PLCG2: variants seen among roughly 807,000 people sequenced by gnomAD.
The protein encoded by PLCG2 is phospholipase C gamma 2.
A neutral mutation model predicts 175.6 loss-of-function variants in PLCG2; 69 were observed. The observed-to-expected ratio is 0.39, with a 90% CI of 0.32 to 0.48. The LOEUF is 0.48. PLCG2 is among the 20% of genes least tolerant of loss of function. The pLI, the probability that PLCG2 is intolerant of heterozygous loss-of-function variation, is 0.91. For synonymous variants in PLCG2, 827 were observed against 624.0 expected (o/e 1.33, Z -4.85); for missense variants, 1,798 against 1,650.9 (o/e 1.09, Z -1.54).
chr16:81,825,414 A>C (rs947540523), intron 2 of PLCG2, among the ~76,000 whole-genome samples: 24 of 150,964 alleles, frequency 1.6e-4, no homozygotes, highest in African/African-American at 5.9e-4. Context: ...TCAGCTTCCC[A>C]AGTAGCTGGG....
Position 81,758,006 on chromosome 16 carries a change from C to T in PLCG2, c.-48+2040C>T, listed in dbSNP as rs140786828. 9.9e-4 allele frequency among the ~76,000 whole-genome samples: 150 copies of T among 152,276 alleles called. 2 individuals are homozygous for T. The highest frequency in any genetic ancestry group is 3.3e-3 in the African/African-American group (136 of 41,550). On this transcript the variant is annotated intron_variant, in intron 2 of 5. Transcript: ENST00000565054. ...TGTTTTGTTTTTTGAGGCACTGTCT[C>T]GATCTGTCACCCAGGCTGGAGCGCA... is the stretch of plus-strand genomic sequence containing the variant.
chr16:81,916,762 T>G (rs1231122308), intron 19 of PLCG2, among the ~76,000 whole-genome samples: 3 of 152,226 alleles, frequency 2.0e-5, no homozygotes, highest in African/African-American at 7.2e-5. Context: ...CTCAGGCTCC[T>G]GAGTAGCTGG....
rs142273383 is a variant in PLCG2, at chr16:81,748,021, C to G, written c.-144-7849C>G. On this transcript the variant is annotated intron_variant, in intron 1 of 5. Transcript: ENST00000565054. ...TCCCAAGTAGCTGGGATTACAGGCA[C>G]CTGCAAGCACACTCAGCTAATTTTT... Among the ~76,000 whole-genome samples, 70 of 152,194 alleles carry G rather than the reference C, an allele frequency of 4.6e-4. 1 individual carries two copies. Among genetic ancestry groups the G allele is most frequent in the Non-Finnish European group, 8.1e-4 (55 of 68,002 alleles).
chr16:81,823,607 C>G (rs1333352429), intron 2 of PLCG2, among the ~76,000 whole-genome samples: 19 of 152,080 alleles, frequency 1.2e-4, no homozygotes, highest in Admixed American at 1.2e-3. Flanking sequence ...CTCACTGTAG[C>G]CTCAAACTCC....
chr16:81,961,798 G>C lies in PLCG2; in HGVS notation c.*3800G>C, dbSNP rs1911785613. The stretch of plus-strand genomic sequence containing the variant: ...TTTATTTAAACATGTAGTGTCTACG[G>C]TATGCCAGCACTTTGCAGCTATTTA... On this transcript the variant is annotated 3_prime_UTR_variant, in exon 33 of 33. Coordinates refer to ENST00000564138, the MANE Select transcript of PLCG2 (RefSeq NM_002661.5). 1 of 203,734 alleles carries C rather than the reference G, an allele frequency of 4.9e-6. No homozygotes were observed. Among genetic ancestry groups the C allele is most frequent in the Non-Finnish European group, 1.0e-5 (1 of 99,440 alleles). 12.6% of individuals were successfully genotyped at this position (203,734 alleles called of 1,614,324 possible). A position where few individuals can be genotyped will look rare whatever the true frequency, so the allele number is the denominator to read the frequency against.
chr16:81,819,045 A>C, intron 2 of PLCG2, among the ~76,000 whole-genome samples: 1 of 152,024 alleles, frequency 6.6e-6, no homozygotes, highest in Non-Finnish European at 1.5e-5. Flanking sequence ...TTTGCAGAGG[A>C]AGCTGAGGCT....
At chr16:81,742,471 C>A (rs1354151010) in intron 1 of PLCG2, among the ~76,000 whole-genome samples, 2 of 152,104 alleles carry the variant, frequency 1.3e-5, no homozygotes, top group African/African-American at 4.8e-5. Flanking sequence ...CCCTGGAGCC[C>A]CAGCCCCCAT....
chr16:81,949,109 G>A (rs186884612), intron 31 of PLCG2, among the ~76,000 whole-genome samples: 23 of 152,304 alleles, frequency 1.5e-4, no homozygotes, highest in African/African-American at 5.3e-4. Flanking sequence ...ACAATCTAGG[G>A]CAACCCCACC....
chr16:81,883,344 G>A lies in PLCG2; in HGVS notation c.765+3G>A. ...GGTTTCTCATACATGAACAGCAGGT[G>A]AGAGCACAAGGTGTGTGGGTGCCTG... is the stretch of plus-strand genomic sequence containing the variant. On this transcript the variant is annotated splice_donor_region_variant and intron_variant, in intron 9 of 32. Coordinates refer to ENST00000564138, the MANE Select transcript of PLCG2 (RefSeq NM_002661.5). 6.2e-7 allele frequency: 1 copy of A among 1,613,020 alleles called. No homozygotes were observed. The highest frequency in any genetic ancestry group is 8.5e-7 in the Non-Finnish European group (1 of 1,179,152).
chr16:81,934,031 T>G (rs1910610023), intron 25 of PLCG2, among the ~76,000 whole-genome samples: 1 of 152,136 alleles, frequency 6.6e-6, no homozygotes, highest in African/African-American at 2.4e-5. Context: ...ATGACGAGGA[T>G]GCTGGGGTCC....
rs113976297 is a variant in PLCG2 at position 81,933,166 on chromosome 16, T to G, written c.2740-1263T>G. Among the ~76,000 whole-genome samples the G allele has an allele frequency of 7.2e-3, 1,102 of 152,320 alleles. 18 individuals carry two copies. Among genetic ancestry groups the G allele is most frequent in the African/African-American group, 0.025 (1,060 of 41,576 alleles). On this transcript the variant is annotated intron_variant, in intron 25 of 32. Coordinates refer to ENST00000564138, the MANE Select transcript of PLCG2 (RefSeq NM_002661.5). The stretch of plus-strand genomic sequence containing the variant: ...GCGGCCTTTGGTCTGCATTCCTCTC[T>G]AACTGGTTTTTATATTTACTGAGAT...
intron 31 of PLCG2, among the ~76,000 whole-genome samples, 180 bp downstream of exon 31, chr16:81,946,443 T>TCCCAGCATCCTCCTTTCCTGGAG (rs1911153197): frequency 6.6e-6 from 1 of 152,120 alleles, no homozygotes; most frequent in African/African-American, 2.4e-5. Context: ...GGGTTTTCCC[T>TCCCAGCATCCTCCTTTCCTGGAG]CCCAGCATCC....
intron 2 of PLCG2, among the ~76,000 whole-genome samples, chr16:81,830,199 G>A (rs7203893): frequency 0.43 from 64,573 of 151,424 alleles, 15,636 homozygotes; most frequent in African/African-American, 0.68. Context: ...ACGCATCTGT[G>A]GTCCCAGCTA....
intron 2 of PLCG2, among the ~76,000 whole-genome samples, chr16:81,808,110 C>A (rs1227134642): frequency 6.6e-6 from 1 of 152,208 alleles, no homozygotes; most frequent in Non-Finnish European, 1.5e-5. Flanking sequence ...CATTCATATG[C>A]AGGATTTTGT....
chr16:81,891,562 C>T lies in PLCG2; in HGVS notation c.958C>T (p.His320Tyr). The change falls in exon 11 of 33, where the codon CAT becomes TAT. Residue 320 changes from histidine (H) to tyrosine (Y), a missense_variant. Physicochemically the swap from His to Tyr is moderately conservative, Grantham distance 83 (BLOSUM62 2). Transcript: ENST00000564138. ...DMQDMNNPLS[H>Y]YWISSSHNTY... ...GCAGGACATGAACAACCCCCTGTCTCATTACTGGATCTCCTCGTCACATAA... is the reference window on the plus strand; with the variant it reads ...GCAGGACATGAACAACCCCCTGTCTTATTACTGGATCTCCTCGTCACATAA... 6 of 1,601,746 alleles carry T rather than the reference C, an allele frequency of 3.7e-6. No individual in the cohort carries two copies. The highest frequency in any genetic ancestry group is 3.4e-6 in the Non-Finnish European group (4 of 1,168,900).
At chr16:81,789,635 T>G (rs59207660) in intron 2 of PLCG2, among the ~76,000 whole-genome samples, 4,238 of 152,302 alleles carry the variant, frequency 0.028, 181 homozygotes, top group African/African-American at 0.096. Flanking sequence ...ATTTCCTTCT[T>G]CTTTCTCCCT....
At chr16:81,772,804 A>G (rs2143113594) in intron 2 of PLCG2, among the ~76,000 whole-genome samples, 1 of 135,996 alleles carries the variant, frequency 7.4e-6, no homozygotes, top group Middle Eastern at 3.8e-3. Flanking sequence ...GTGAGACTCC[A>G]TCTCCAAAAA....
chr16:81,789,772 C>T (rs1287179000), intron 2 of PLCG2, among the ~76,000 whole-genome samples: 3 of 152,070 alleles, frequency 2.0e-5, no homozygotes, highest in Non-Finnish European at 2.9e-5. Context: ...TGCCCTTCCT[C>T]CACCTTCCCC....
intron 2 of PLCG2, among the ~76,000 whole-genome samples, chr16:81,802,338 T>A (rs1428789622): frequency 6.6e-6 from 1 of 150,982 alleles, no homozygotes; most frequent in Non-Finnish European, 1.5e-5. Flanking sequence ...GGTCTCGATC[T>A]CCTGACCTCG....
Sources: allele counts gnomAD v4.1 joint callset (sites outside exome capture counted in the v4.1 genomes callset), GRCh38; gene constraint gnomAD v4.1.1; transcripts MANE v1.5; gene names NCBI Gene and HGNC (gene_info 2026-07-23, HGNC 2026-07-21).